GALNT7: variants seen among roughly 807,000 people sequenced by gnomAD.
GALNT7 encodes the protein polypeptide N-acetylgalactosaminyltransferase 7, also known as N-acetylgalactosaminyltransferase 7.
In GALNT7, 60 loss-of-function variants were observed where a neutral mutation model predicts 82.1. The observed-to-expected ratio is 0.73, with a 90% CI of 0.59 to 0.91. GALNT7 has a LOEUF of 0.91. GALNT7 is among the 40% of genes least tolerant of loss of function. GALNT7 has a pLI of 0.00. For missense variants in GALNT7, 660 were observed against 804.2 expected, an observed-to-expected ratio of 0.82 and a Z score of 2.17; for synonymous variants, 243 against 275.1, an observed-to-expected ratio of 0.88 and a Z score of 1.15.
At chr4:173,250,264 T>G (rs1734800475) in intron 2 of GALNT7, among the ~76,000 whole-genome samples, 1 of 152,114 alleles carries the variant, frequency 6.6e-6, no homozygotes, top group Admixed American at 6.6e-5. Context: ...AATCAGAGGG[T>G]GAGCTTAACA....
At chr4:173,174,732 G>A (rs557111199) in intron 1 of GALNT7, among the ~76,000 whole-genome samples, 346 of 152,194 alleles carry the variant, frequency 2.3e-3, no homozygotes, top group Non-Finnish European at 3.6e-3. Context: ...TAATCCAGTA[G>A]CAATGTAAAG....
At chr4:173,309,074 G>A (rs763391854) in intron 8 of GALNT7, among the ~76,000 whole-genome samples, 25 of 151,914 alleles carry the variant, frequency 1.6e-4, no homozygotes, top group Non-Finnish European at 2.8e-4. Context: ...TCATGAACCT[G>A]CAGAAAAACA....
intron 1 of GALNT7, among the ~76,000 whole-genome samples, chr4:173,246,391 T>C (rs1734636119): frequency 6.6e-6 from 1 of 152,226 alleles, no homozygotes; most frequent in South Asian, 2.1e-4. Flanking sequence ...CAAAAAAAAT[T>C]ATCTTGTTAT....
chr4:173,180,656 C>T (rs1579882662), intron 1 of GALNT7, among the ~76,000 whole-genome samples: 1 of 152,172 alleles, frequency 6.6e-6, no homozygotes, highest in East Asian at 1.9e-4. Flanking sequence ...GCCTGTGTAC[C>T]TGGAAGTCAA....
chr4:173,319,878 G>A (rs1737740610), intron 11 of GALNT7, among the ~76,000 whole-genome samples: 1 of 152,118 alleles, frequency 6.6e-6, no homozygotes, highest in South Asian at 2.1e-4. Flanking sequence ...AATTACTGCT[G>A]AGGAGTTTCA....
chr4:173,204,019 AGTG>A (rs1733019937), intron 1 of GALNT7, among the ~76,000 whole-genome samples: 1 of 152,194 alleles, frequency 6.6e-6, no homozygotes, highest in African/African-American at 2.4e-5. Context: ...AGACAAGACT[AGTG>A]GTGATTAACT....
rs959464025 is a variant in GALNT7, at chr4:173,168,976, C to T, written c.126+15C>T. On this transcript the variant is annotated intron_variant, in intron 1 of 11. Transcript: ENST00000265000. ...GCAGGATGAGGGTGAGTGACCCGCC[C>T]GGCCCCCTCCGGCGGCAGCGACCGG... is the stretch of plus-strand genomic sequence containing the variant. 3.7e-6 allele frequency: 6 copies of T among 1,609,428 alleles called. No homozygotes were observed. The African/African-American group carries it at 6.7e-5, about 18-fold the overall frequency.
chr4:173,317,640 G>A lies in GALNT7; in HGVS notation c.1615G>A (p.Gly539Ser), dbSNP rs754683458. 1.2e-6 allele frequency: 2 copies of A among 1,604,604 alleles called. No individual in the cohort carries two copies. The highest frequency in any genetic ancestry group is 1.1e-5 in the South Asian group (1 of 90,794). The change falls in exon 10 of 12, where the codon GGC becomes AGC. Residue 539 changes from glycine (G) to serine (S), a missense_variant. Gly to Ser is a moderately conservative substitution (Grantham distance 56). Around this residue, in one of 2 missense-constraint regions of GALNT7, gnomAD observed 527 missense variants for 683.5 expected, o/e 0.77. Coordinates refer to ENST00000265000, the MANE Select transcript of GALNT7 (RefSeq NM_017423.3). ...PKNVDWGEIRGFETAYCIDSM... is the reference protein window; with the variant it reads ...PKNVDWGEIRSFETAYCIDSM... ...TCTTTATTCATTTTTTTAGATCAGA[G>A]GCTTCGAAACTGCTTACTGCATTGA...
chr4:173,286,423 C>G (rs1736324830), intron 2 of GALNT7, among the ~76,000 whole-genome samples: 1 of 152,204 alleles, frequency 6.6e-6, no homozygotes, highest in Non-Finnish European at 1.5e-5. Flanking sequence ...ACAGTTGTTT[C>G]CCATGGGTAA....
At chr4:173,291,083 G>C (rs1441323131) in intron 2 of GALNT7, among the ~76,000 whole-genome samples, 2 of 152,108 alleles carry the variant, frequency 1.3e-5, no homozygotes, top group Non-Finnish European at 2.9e-5. Context: ...TTAGAAGCAA[G>C]TCCCAAATTT....
intron 1 of GALNT7, among the ~76,000 whole-genome samples, chr4:173,183,582 CTCTT>C (rs1334994509): frequency 2.0e-5 from 3 of 152,172 alleles, no homozygotes; most frequent in Admixed American, 6.5e-5. Flanking sequence ...AATCTGATCT[CTCTT>C]TCTTTTCCCC....
At chr4:173,182,713 G>T (rs1159622446) in intron 1 of GALNT7, among the ~76,000 whole-genome samples, 1 of 108,034 alleles carries the variant, frequency 9.3e-6, no homozygotes, top group Non-Finnish European at 1.8e-5. Context: ...TGCCCCGAAT[G>T]ATGAGGCTAG....
At chr4:173,186,839 T>C (rs994452853) in intron 1 of GALNT7, among the ~76,000 whole-genome samples, 1 of 151,940 alleles carries the variant, frequency 6.6e-6, no homozygotes, top group African/African-American at 2.4e-5. Context: ...TGTGGTGCAA[T>C]CTTGGCTCAC....
At chr4:173,303,027 T>G (rs2126849686) in intron 7 of GALNT7, among the ~76,000 whole-genome samples, 1 of 152,192 alleles carries the variant, frequency 6.6e-6, no homozygotes, top group South Asian at 2.1e-4. Context: ...AAACCCCATC[T>G]CTACTAAAAT....
intron 8 of GALNT7, among the ~76,000 whole-genome samples, chr4:173,313,404 A>AT (rs1737462424): frequency 7.5e-6 from 1 of 132,844 alleles, no homozygotes; most frequent in Non-Finnish European, 1.8e-5. Flanking sequence ...CTCCATCTAC[A>AT]CAAAAAAATA....
rs761252993 is a variant in GALNT7 at position 173,248,172 on chromosome 4, A to G, written c.319A>G (p.Ile107Val). 5 of 1,613,918 alleles carry G rather than the reference A, an allele frequency of 3.1e-6. No individual in the cohort carries two copies. Among genetic ancestry groups the G allele is most frequent in the Middle Eastern group, 1.7e-4 (1 of 6,058 alleles). Reference sequence around the variant, plus strand: ...TGCTGGAGGAGATTCCCAGAAAGATATCATGCAGAGGCAGTATCTCACATT... The same window carrying G: ...TGCTGGAGGAGATTCCCAGAAAGATGTCATGCAGAGGCAGTATCTCACATT... ...HHAGGDSQKDIMQRQYLTFKP... is the reference protein window; with the variant it reads ...HHAGGDSQKDVMQRQYLTFKP... The change falls in exon 2 of 12, where the codon ATC becomes GTC. Residue 107 changes from isoleucine (I) to valine (V), a missense_variant. Coordinates refer to ENST00000265000, the MANE Select transcript of GALNT7 (RefSeq NM_017423.3).
intron 2 of GALNT7, among the ~76,000 whole-genome samples, chr4:173,263,487 G>C (rs1447469748): frequency 6.6e-6 from 1 of 152,160 alleles, no homozygotes; most frequent in Non-Finnish European, 1.5e-5. Flanking sequence ...GTCAACATCT[G>C]CACAAACATA....
intron 1 of GALNT7, among the ~76,000 whole-genome samples, chr4:173,229,604 T>C (rs1733957651): frequency 6.6e-6 from 1 of 152,134 alleles, no homozygotes; most frequent in South Asian, 2.1e-4. Context: ...GCACGGCTTT[T>C]ATCAAGTTAC....
chr4:173,262,749 T>C (rs188083719), intron 2 of GALNT7, among the ~76,000 whole-genome samples: 34 of 151,970 alleles, frequency 2.2e-4, no homozygotes, highest in Non-Finnish European at 4.3e-4. Flanking sequence ...TCAGACGCTT[T>C]TCCTTGACAC....
Sources: allele counts gnomAD v4.1 joint callset (sites outside exome capture counted in the v4.1 genomes callset), GRCh38; gene constraint gnomAD v4.1.1; regional missense constraint gnomAD v4.1.1; transcripts MANE v1.5; gene names NCBI Gene and HGNC (gene_info 2026-07-23, HGNC 2026-07-21).